The following PCDHA9 variants were observed in gnomAD, a reference collection of about 807,000 sequenced individuals.
PCDHA9 encodes the protein protocadherin alpha 9, also known as protocadherin alpha-9.
A neutral mutation model predicts 62.0 loss-of-function variants in PCDHA9; 62 were observed. The observed-to-expected ratio is 1.00, with a 90% CI of 0.81 to 1.23. The LOEUF is 1.23. Among genes scored for constraint, PCDHA9 ranks in the 50% most tolerant of loss-of-function variants. The pLI, the probability that PCDHA9 is intolerant of heterozygous loss-of-function variation, is 0.00. For missense variants in PCDHA9, 1,205 were observed against 1,249.8 expected (o/e 0.96, Z 0.54); for synonymous variants, 557 against 567.6 (o/e 0.98, Z 0.27).
chr5:140,941,467 C>G (rs1290341607), intron 1 of PCDHA9, among the ~76,000 whole-genome samples: 4 of 151,456 alleles, frequency 2.6e-5, no homozygotes, highest in Non-Finnish European at 5.9e-5. Context: ...AGGCGCCCAC[C>G]ACCACGCCTG....
chr5:140,866,295 G>T (rs561985862), intron 1 of PCDHA9: 17 of 152,252 alleles, frequency 1.1e-4, no homozygotes, highest in African/African-American at 3.4e-4. Flanking sequence ...GACAAGTATA[G>T]ATGTTGATAT....
intron 1 of PCDHA9, chr5:140,876,661 C>T: frequency 1.2e-6 from 2 of 1,614,212 alleles, no homozygotes; most frequent in Non-Finnish European, 1.7e-6. Context: ...TCCCTTCAAG[C>T]TGGTGTCCAC....
In PCDHA9 at chr5:140,849,169, C is replaced by A; in HGVS notation, c.674C>A (p.Thr225Asn). Residue 225 changes from threonine (T) to asparagine (N), a missense_variant, in exon 1 of 4, where the codon ACC (threonine) becomes AAC (asparagine). Physicochemically the swap from Thr to Asn is moderately conservative, Grantham distance 65 (BLOSUM62 0). Coordinates refer to ENST00000532602, the MANE Select transcript of PCDHA9 (RefSeq NM_031857.2). ...GGAGGCAAACCCGAGCTGACTGGCA[C>A]CGTTCAATTACTCATCACGGTACTG... ...TDGGKPELTGTVQLLITVLDN... is the reference protein window; with the variant it reads ...TDGGKPELTGNVQLLITVLDN... 1.8e-6 allele frequency: 2 copies of A among 1,130,206 alleles called. No homozygotes were observed. Among genetic ancestry groups the A allele is most frequent in the Non-Finnish European group, 2.5e-6 (2 of 809,220 alleles). 70.0% of individuals were successfully genotyped at this position (1,130,206 alleles called of 1,614,324 possible).
intron 1 of PCDHA9, among the ~76,000 whole-genome samples, chr5:140,914,744 T>C (rs989394283): frequency 6.6e-6 from 1 of 152,280 alleles, no homozygotes; most frequent in Non-Finnish European, 1.5e-5. Context: ...TGTATGTTTT[T>C]CCATTTGAGG....
chr5:140,992,369 A>G (rs1554252849), intron 3 of PCDHA9, among the ~76,000 whole-genome samples: 1 of 152,188 alleles, frequency 6.6e-6, no homozygotes, highest in Non-Finnish European at 1.5e-5. Context: ...AATGGTTCCC[A>G]TTACATTATT....
In PCDHA9 at chr5:140,868,951, A is replaced by G; in HGVS notation, c.2394+18062A>G. On this transcript the variant is annotated intron_variant, in intron 1 of 3. Transcript: ENST00000532602. ...TAAAGGTTGGTCTGAACAGTGAGGC[A>G]CTCCCATACAAAGGAACTCCATCAT... 4.5e-6 allele frequency: 6 copies of G among 1,321,586 alleles called. No individual in the cohort carries two copies. The South Asian group carries it at 7.6e-5, about 17-fold the overall frequency. The allele number at this position is 1,321,586 out of a possible 1,614,324, so 81.9% of individuals were successfully genotyped here. A position where few individuals can be genotyped will look rare whatever the true frequency, so the allele number is the denominator to read the frequency against.
At chr5:140,942,580 G>A (rs782743450) in intron 1 of PCDHA9, among the ~76,000 whole-genome samples, 4 of 151,104 alleles carry the variant, frequency 2.6e-5, no homozygotes, top group Non-Finnish European at 5.9e-5. Flanking sequence ...TCCCATATAG[G>A]ATGTCACATA....
At chr5:140,956,551 C>T (rs995941205) in intron 1 of PCDHA9, among the ~76,000 whole-genome samples, 1 of 152,148 alleles carries the variant, frequency 6.6e-6, no homozygotes, top group Non-Finnish European at 1.5e-5. Context: ...ATTTGGTTTG[C>T]CAGTATCTTA....
At chr5:140,910,959 A>C (rs1188143214) in intron 1 of PCDHA9, among the ~76,000 whole-genome samples, 1 of 151,944 alleles carries the variant, frequency 6.6e-6, no homozygotes, top group African/African-American at 2.4e-5. Flanking sequence ...CGAGTGTAGC[A>C]CACCTCCTCA....
intron 1 of PCDHA9, chr5:140,926,589 G>A: frequency 3.4e-6 from 1 of 292,780 alleles, no homozygotes; most frequent in Non-Finnish European, 6.2e-6. Context: ...TCTCGCGCCC[G>A]GGCGGGCGGC....
At chr5:140,858,515 C>A in intron 1 of PCDHA9, 1 of 1,416,092 alleles carries the variant, frequency 7.1e-7, no homozygotes, top group South Asian at 1.2e-5. Context: ...AAATATGTAT[C>A]AGAATATTTC....
intron 1 of PCDHA9, among the ~76,000 whole-genome samples, chr5:140,886,636 G>A (rs555391002): frequency 2.6e-5 from 4 of 151,866 alleles, no homozygotes; most frequent in Non-Finnish European, 4.4e-5. Flanking sequence ...GACCAGCCTG[G>A]CCAACATGGT....
intron 3 of PCDHA9, among the ~76,000 whole-genome samples, chr5:141,000,401 A>ATT (rs2097917579): frequency 1.3e-5 from 1 of 76,232 alleles, no homozygotes; most frequent in Non-Finnish European, 2.5e-5. Flanking sequence ...CTCTCTATAT[A>ATT]TATATATATA....
chr5:140,926,223 TAGA>T, intron 1 of PCDHA9: 1 of 152,200 alleles, frequency 6.6e-6, no homozygotes, highest in Non-Finnish European at 1.5e-5. Flanking sequence ...TCCTTAAGCC[TAGA>T]AGGTGTGGTC....
chr5:140,999,403 A>G (rs1325467300), intron 3 of PCDHA9, among the ~76,000 whole-genome samples: 7 of 152,176 alleles, frequency 4.6e-5, no homozygotes, highest in African/African-American at 1.7e-4. Context: ...TTTGCATATG[A>G]AAGAATGGGA....
intron 1 of PCDHA9, chr5:140,871,323 CT>C (rs2052977645): frequency 6.2e-7 from 1 of 1,614,102 alleles, no homozygotes; most frequent in Non-Finnish European, 8.5e-7. Context: ...CGCTGGTGTG[CT>C]CCCGCGCGGT....
rs2042521817 is a variant in PCDHA9, at chr5:140,852,899, GTC to G, written c.2394+2011_2394+2012del. 441 of 840,720 alleles carry G rather than the reference GTC, an allele frequency of 5.2e-4. 11 individuals are homozygous for G. In the South Asian group the frequency reaches 0.021, roughly 39 times the overall value. The allele number at this position is 840,720 out of a possible 1,614,324, so 52.1% of individuals were successfully genotyped here. A position where few individuals can be genotyped will look rare whatever the true frequency, so the allele number is the denominator to read the frequency against. On this transcript the variant is annotated intron_variant, in intron 1 of 3. Coordinates refer to ENST00000532602, the MANE Select transcript of PCDHA9 (RefSeq NM_031857.2). ...TCATAAAACGTATTTTTTTTTTTGAGTCAGAGTCTCGCTCTGTTGCCCAGGCT... is the reference window on the plus strand; with the variant it reads ...TCATAAAACGTATTTTTTTTTTTGAGAGAGTCTCGCTCTGTTGCCCAGGCT...
intron 3 of PCDHA9, among the ~76,000 whole-genome samples, chr5:141,002,939 A>G (rs2098103546): frequency 6.6e-6 from 1 of 152,238 alleles, no homozygotes; most frequent in Admixed American, 6.5e-5. Context: ...AACACCCTCC[A>G]GCACATGCCC....
Position 140,967,000 on chromosome 5 carries a change from C to T in PCDHA9, c.2395-11949C>T, listed in dbSNP as rs544624379. The T allele has an allele frequency of 6.1e-5, 98 of 1,604,962 alleles. No individual in the cohort carries two copies. The East Asian group carries it at 2.1e-3, about 35-fold the overall frequency. ...GGCGCTTGGGGCCGGGTTGCTTGCG[C>T]ATCAACCATCTGGGTGCGCCCAGTC... On this transcript the variant is annotated intron_variant, in intron 1 of 3. Coordinates refer to ENST00000532602, the MANE Select transcript of PCDHA9 (RefSeq NM_031857.2).
Sources: allele counts gnomAD v4.1 joint callset (sites outside exome capture counted in the v4.1 genomes callset), GRCh38; gene constraint gnomAD v4.1.1; transcripts MANE v1.5; gene names NCBI Gene and HGNC (gene_info 2026-07-23, HGNC 2026-07-21).